The following RUVBL1 variants were observed in gnomAD, a reference collection of about 807,000 sequenced individuals.
RUVBL1 encodes ruvB-like 1.
A neutral mutation model predicts 52.4 loss-of-function variants in RUVBL1; 4 were observed. That is an observed-to-expected ratio of 0.08 (90% CI 0.04 to 0.17). RUVBL1 has a LOEUF of 0.17. Among genes scored for constraint, RUVBL1 ranks in the 10% least tolerant of loss-of-function variants. The probability of loss-of-function intolerance (pLI) is 1.00; values close to 1 mark genes in which losing one functional copy is unlikely to be tolerated. For synonymous variants in RUVBL1, 217 were observed against 214.4 expected, an observed-to-expected ratio of 1.01 and a Z score of -0.10; for missense variants, 298 against 572.8, an observed-to-expected ratio of 0.52 and a Z score of 4.90.
At chr3:128,140,849 T>C (rs1204925630) in intron 1 of RUVBL1, among the ~76,000 whole-genome samples, 1 of 152,212 alleles carries the variant, frequency 6.6e-6, no homozygotes, top group Non-Finnish European at 1.5e-5. Flanking sequence ...AAAAAATGTA[T>C]ATTTACTAGT....
At chr3:128,088,417 A>AATATATAGT (rs1942720961) in intron 8 of RUVBL1, among the ~76,000 whole-genome samples, 1 of 148,696 alleles carries the variant, frequency 6.7e-6, no homozygotes, top group Non-Finnish European at 1.5e-5. Context: ...TATATAGTAT[A>AATATATAGT]ATATACAGTA....
intron 2 of RUVBL1, 147 bp downstream of exon 2, chr3:128,119,181 C>A: frequency 3.9e-6 from 2 of 515,576 alleles, no homozygotes; most frequent in Non-Finnish European, 3.4e-6. Context: ...ATTTTAGATA[C>A]CCAATTGTAT....
chr3:128,066,565 G>T, intron 9 of RUVBL1: 1 of 208,022 alleles, frequency 4.8e-6, no homozygotes, highest in Admixed American at 5.4e-5. Context: ...TGGGACTACA[G>T]GCGCGCACCA....
chr3:128,153,291 G>A, exon 1 of RUVBL1: 1 of 1,358,214 alleles, frequency 7.4e-7, no homozygotes, highest in Non-Finnish European at 9.4e-7. Flanking sequence ...ACGTGAGAGA[G>A]AAACCCTGCC....
In RUVBL1 at chr3:128,100,891, C is replaced by T. The variant is rs1943094846; in HGVS notation, c.604-147G>A. 1.2e-5 allele frequency: 11 copies of T among 892,740 alleles called. No homozygotes were observed. The East Asian group carries it at 3.1e-4, about 25-fold the overall frequency. The allele number at this position is 892,740 out of a possible 1,614,324, so 55.3% of individuals were successfully genotyped here. A position where few individuals can be genotyped will look rare whatever the true frequency, so the allele number is the denominator to read the frequency against. Reference sequence around the variant, plus strand: ...ACTCCAAATATGCCCCACTCCCCTGCTGCCAAGAGAAGGGAGCTATCTGCT... The same window carrying T: ...ACTCCAAATATGCCCCACTCCCCTGTTGCCAAGAGAAGGGAGCTATCTGCT... On this transcript the variant is annotated intron_variant, in intron 5 of 10. Transcript: ENST00000322623.
chr3:128,153,587 TA>T, exon 1 of RUVBL1: 1 of 1,574,266 alleles, frequency 6.4e-7, no homozygotes. Context: ...GCGCGGGCGC[TA>T]AGCACCACAG....
chr3:128,067,688 C>A lies in RUVBL1; in HGVS notation c.940-2468G>T. The A allele has an allele frequency of 2.5e-6, 3 of 1,178,044 alleles. No homozygotes were observed. Among genetic ancestry groups the A allele is most frequent in the South Asian group, 1.4e-5 (1 of 70,080 alleles). 73.0% of individuals were successfully genotyped at this position (1,178,044 alleles called of 1,614,324 possible). On this transcript the variant is annotated intron_variant, in intron 9 of 9. Coordinates refer to the RUVBL1 transcript ENST00000464873. This position sits in a 1 kb window ranked among gnomAD's most constrained non-coding sequence, Gnocchi z 4.1. ...AAGGGGTGTGGACTTGTCACCTCAT[C>A]ATAAATAATGGTCTGTGACGTGTGC...
At chr3:128,153,703 T>G in exon 1 of RUVBL1, 3 of 1,588,620 alleles carry the variant, frequency 1.9e-6, no homozygotes, top group Non-Finnish European at 2.6e-6. Context: ...GCGCCTGCGG[T>G]CGTCTTTGCC....
At chr3:128,144,043 A>T (rs1944069129) in intron 1 of RUVBL1, among the ~76,000 whole-genome samples, 1 of 152,162 alleles carries the variant, frequency 6.6e-6, no homozygotes, top group Non-Finnish European at 1.5e-5. Context: ...CCACTATATC[A>T]GGCTTCCTTG....
upstream of RUVBL1, among the ~76,000 whole-genome samples, chr3:128,126,801 C>T (rs996258025): frequency 3.3e-5 from 5 of 152,220 alleles, no homozygotes; most frequent in African/African-American, 4.8e-5. Flanking sequence ...CTGCAGTGGA[C>T]AGGGTTATTC....
downstream of RUVBL1, among the ~76,000 whole-genome samples, chr3:128,079,919 G>A (rs1346543277): frequency 1.3e-5 from 2 of 152,228 alleles, no homozygotes; most frequent in Non-Finnish European, 1.5e-5. Flanking sequence ...TTACAGCACG[G>A]AGATCCAGTC....
chr3:128,101,810 A>G (rs887341175), intron 4 of RUVBL1, among the ~76,000 whole-genome samples, 162 bp from the exon 5 acceptor site: 2 of 152,212 alleles, frequency 1.3e-5, no homozygotes, highest in East Asian at 1.9e-4. Context: ...GTGTGAATGC[A>G]TAAGTACCAC....
chr3:128,128,737 A>G (rs1943833438), upstream of RUVBL1, among the ~76,000 whole-genome samples: 1 of 152,162 alleles, frequency 6.6e-6, no homozygotes. Flanking sequence ...TTCAATTCCT[A>G]TGTAAAGAGA....
intron 1 of RUVBL1, among the ~76,000 whole-genome samples, chr3:128,120,847 C>G (rs1195169738): frequency 2.0e-5 from 3 of 152,000 alleles, no homozygotes; most frequent in Non-Finnish European, 4.4e-5. Context: ...GTCTCAATCT[C>G]CCGACCATGT....
chr3:128,123,976 T>C, upstream of RUVBL1: 1 of 938,938 alleles, frequency 1.1e-6, no homozygotes, highest in Non-Finnish European at 1.3e-6. Flanking sequence ...TAGCCGGCGC[T>C]TCCTGCCGAG....
Position 128,101,740 on chromosome 3 carries a change from G to T in RUVBL1, c.514-92C>A, listed in dbSNP as rs1382275245. The T allele has an allele frequency of 4.7e-6, 6 of 1,283,016 alleles. No homozygotes were observed. The South Asian group carries it at 4.8e-5, about 10-fold the overall frequency. The allele number at this position is 1,283,016 out of a possible 1,614,324, so 79.5% of individuals were successfully genotyped here. ...ACCTTTCCGTAAGGGATCTGAGGTA[G>T]CTAGCAGGTGCATGGAGAAAGCCTG... On this transcript the variant is annotated intron_variant, in intron 4 of 10. Transcript: ENST00000322623.
At chr3:128,129,602 G>A (rs1393814255) in intron 1 of RUVBL1, among the ~76,000 whole-genome samples, 1 of 152,170 alleles carries the variant, frequency 6.6e-6, no homozygotes, top group African/African-American at 2.4e-5. Context: ...ATTCCCAGTA[G>A]TAAAGAGGCA....
At chr3:128,144,895 TG>T (rs1944080429) in intron 1 of RUVBL1, among the ~76,000 whole-genome samples, 1 of 152,214 alleles carries the variant, frequency 6.6e-6, no homozygotes, top group Non-Finnish European at 1.5e-5. Flanking sequence ...GGCAGAGCAC[TG>T]GATTTCTCTC....
exon 1 of RUVBL1, chr3:128,153,221 T>A: frequency 7.6e-7 from 1 of 1,323,928 alleles, no homozygotes; most frequent in Non-Finnish European, 9.6e-7. Flanking sequence ...TCCAAATGGC[T>A]TCACTTCTCA....
Sources: allele counts gnomAD v4.1 joint callset (sites outside exome capture counted in the v4.1 genomes callset), GRCh38; gene constraint gnomAD v4.1.1; non-coding constraint Gnocchi (gnomAD v3.1); transcripts MANE v1.5; gene names NCBI Gene and HGNC (gene_info 2026-07-23, HGNC 2026-07-21).